The following CAGE1 variants were observed in gnomAD, a reference collection of about 807,000 sequenced individuals.
CAGE1 encodes the protein cancer-associated gene 1 protein.
Under a neutral mutation model 94.9 loss-of-function variants are expected in CAGE1, and 66 were observed. The observed-to-expected ratio is 0.70, with a 90% CI of 0.57 to 0.85. The LOEUF is 0.85. Ranked by LOEUF, CAGE1 falls within the 40% of genes least tolerant of loss-of-function variation. The pLI is 0.00. For missense variants in CAGE1, 865 were observed against 950.4 expected, an observed-to-expected ratio of 0.91 and a Z score of 1.18; for synonymous variants, 319 against 321.0, an observed-to-expected ratio of 0.99 and a Z score of 0.07.
intron 11 of CAGE1, among the ~76,000 whole-genome samples, chr6:7,353,538 A>G (rs908135544): frequency 6.6e-6 from 1 of 152,112 alleles, no homozygotes; most frequent in African/African-American, 2.4e-5. Context: ...AGCAACCCCA[A>G]TACTGGGTAT....
At chr6:7,344,611 C>G (rs1162414274) in intron 11 of CAGE1, among the ~76,000 whole-genome samples, 1 of 147,478 alleles carries the variant, frequency 6.8e-6, no homozygotes, top group African/African-American at 2.7e-5. Flanking sequence ...GGCGTACGGC[C>G]CGAGACTGGA....
rs1245643259 is a variant in CAGE1, at chr6:7,373,429, T to C, written c.1390A>G (p.Lys464Glu). 1 of 1,613,860 alleles carries C rather than the reference T, an allele frequency of 6.2e-7. No homozygotes were observed. The highest frequency in any genetic ancestry group is 1.7e-5 in the Admixed American group (1 of 59,990). ...AAGTCCAAAGCAGAAGCTGTGGCCT[T>C]TTCCAGTTCTTTTTTGAGTTGTTGT... ...RLQQLKKELE[K>E]ATASALDLLK... The change falls in exon 5 of 14, where the codon AAG becomes GAG. Residue 464 changes from lysine (K) to glutamate (E), a missense_variant. Lys to Glu is a moderately conservative substitution (Grantham distance 56). Coordinates refer to ENST00000502583, the MANE Select transcript of CAGE1 (RefSeq NM_001170692.2).
rs574460085 is a variant in CAGE1, at chr6:7,343,198, A to AAAAAAAAAGAAAAGAAAAGAAAAGAAAAG, written c.2370-9109_2370-9108insCTTTTCTTTTCTTTTCTTTTCTTTTTTTT. On this transcript the variant is annotated intron_variant, in intron 11 of 13. Transcript: ENST00000502583. ...TGCGAGACTCTGTCCCACAAAAAAAAAAAAGAAAAGAAAAGAAAAGAAAAA... is the reference window on the plus strand; with the variant it reads ...TGCGAGACTCTGTCCCACAAAAAAAAAAAAAAAAGAAAAGAAAAGAAAAGAAAAGAAAAGAAAAGAAAAGAAAAGAAAAA... Among the ~76,000 whole-genome samples the AAAAAAAAAGAAAAGAAAAGAAAAGAAAAG allele has an allele frequency of 2.3e-3, 309 of 137,302 alleles. 2 individuals carry two copies. The highest frequency in any genetic ancestry group is 3.2e-3 in the Non-Finnish European group (213 of 65,814). The allele number at this position is 137,302 out of a possible 152,430, so 90.1% of individuals were successfully genotyped here. A position where few individuals can be genotyped will look rare whatever the true frequency, so the allele number is the denominator to read the frequency against.
At chr6:7,385,918 GCTT>G (rs1761107240) in intron 2 of CAGE1, 46 bp from the exon 3 acceptor site, 1 of 1,018,894 alleles carries the variant, frequency 9.8e-7, no homozygotes, top group African/African-American at 1.6e-5. Flanking sequence ...AACATCACAA[GCTT>G]CTTCTAAAGG....
At chr6:7,354,473 C>T (rs932594799) in intron 11 of CAGE1, among the ~76,000 whole-genome samples, 5 of 152,092 alleles carry the variant, frequency 3.3e-5, no homozygotes, top group Admixed American at 1.3e-4. Context: ...ATTTTGGGGG[C>T]GCTGTCTCTA....
At position 7,362,448 on chromosome 6, in the gene CAGE1, C is replaced by T. The variant is rs1299079898; in HGVS notation, c.2193+3020G>A. On this transcript the variant is annotated intron_variant, in intron 9 of 13. Coordinates refer to ENST00000502583, the MANE Select transcript of CAGE1 (RefSeq NM_001170692.2). This position sits in a 1 kb window ranked among gnomAD's most constrained non-coding sequence, Gnocchi z 4.1. ...TTCCTGGACCAGGAGACATTTTGCA[C>T]TTGACAGTTAAACACCCAGGATGCT... Among the ~76,000 whole-genome samples the T allele has an allele frequency of 6.6e-6, 1 of 152,136 alleles. No individual in the cohort carries two copies. The highest frequency in any genetic ancestry group is 1.5e-5 in the Non-Finnish European group (1 of 68,026).
intron 9 of CAGE1, among the ~76,000 whole-genome samples, chr6:7,363,225 G>A (rs1445843588): frequency 3.9e-5 from 6 of 152,288 alleles, no homozygotes; most frequent in African/African-American, 1.2e-4. Flanking sequence ...AGCCAAGATC[G>A]TGCCACTGCA....
intron 11 of CAGE1, among the ~76,000 whole-genome samples, chr6:7,348,008 G>C (rs928473336): frequency 6.7e-6 from 1 of 148,400 alleles, no homozygotes; most frequent in Non-Finnish European, 1.5e-5. Flanking sequence ...AAGACAAAGG[G>C]CATATATTCT....
At chr6:7,332,662 C>G (rs148104634) in intron 12 of CAGE1, among the ~76,000 whole-genome samples, 16 of 152,292 alleles carry the variant, frequency 1.1e-4, no homozygotes, top group African/African-American at 3.6e-4. Context: ...CTGGAAACTC[C>G]TCATAAGGCT....
intron 1 of CAGE1, among the ~76,000 whole-genome samples, chr6:7,388,515 G>A (rs1412363363): frequency 6.6e-6 from 1 of 152,166 alleles, no homozygotes; most frequent in East Asian, 1.9e-4. Context: ...CTTGAGAGGA[G>A]CATACTTAGG....
intron 9 of CAGE1, among the ~76,000 whole-genome samples, chr6:7,358,271 A>G (rs975913819): frequency 1.1e-4 from 16 of 151,538 alleles, no homozygotes; most frequent in African/African-American, 3.6e-4. Flanking sequence ...AATGTTATAT[A>G]ATGGAACCAA....
rs1760297288 is a variant in CAGE1, at chr6:7,365,459, C to A, written c.2193+9G>T. On this transcript the variant is annotated intron_variant, in intron 9 of 13. Coordinates refer to ENST00000502583, the MANE Select transcript of CAGE1 (RefSeq NM_001170692.2). ...AAATAATAGCAAGGTAAAAAAAGGT[C>A]TTTCTTACCAAGAAATCAAGCTCCT... 1.9e-6 allele frequency: 3 copies of A among 1,607,436 alleles called. No homozygotes were observed. The highest frequency in any genetic ancestry group is 1.7e-5 in the Admixed American group (1 of 59,142).
chr6:7,345,611 T>TA (rs1759460942), intron 11 of CAGE1, among the ~76,000 whole-genome samples: 1 of 152,180 alleles, frequency 6.6e-6, no homozygotes, highest in Admixed American at 6.5e-5. Flanking sequence ...AACAGCTGTT[T>TA]CTAACGTCTA....
intron 3 of CAGE1, among the ~76,000 whole-genome samples, chr6:7,384,117 G>A (rs369228338): frequency 7.2e-5 from 11 of 151,900 alleles, no homozygotes; most frequent in Non-Finnish European, 1.6e-4. Flanking sequence ...ACTTATTGTC[G>A]CCCAGGCTGG....
intron 11 of CAGE1, among the ~76,000 whole-genome samples, chr6:7,345,914 G>C (rs545919363): frequency 6.6e-6 from 1 of 152,044 alleles, no homozygotes; most frequent in African/African-American, 2.4e-5. Context: ...GACAGAACGA[G>C]AGTCCATCTC....
intron 11 of CAGE1, chr6:7,341,477 A>C (rs749700237): frequency 2.9e-4 from 336 of 1,141,220 alleles, no homozygotes; most frequent in Non-Finnish European, 4.1e-4. Context: ...GGCAAATTCC[A>C]GGTATTCCAT....
chr6:7,340,803 A>C, intron 11 of CAGE1: 1 of 391,840 alleles, frequency 2.6e-6, no homozygotes, highest in Non-Finnish European at 4.9e-6. Context: ...CAGACAGTCT[A>C]CTCCCTCAAT....
intron 11 of CAGE1, among the ~76,000 whole-genome samples, chr6:7,349,317 A>G (rs972095024): frequency 3.9e-5 from 6 of 152,216 alleles, no homozygotes; most frequent in South Asian, 2.1e-4. Context: ...ACTAAGCATT[A>G]TATATGAAGG....
At chr6:7,350,620 T>G (rs1161727277) in intron 11 of CAGE1, among the ~76,000 whole-genome samples, 1 of 152,076 alleles carries the variant, frequency 6.6e-6, no homozygotes, top group Non-Finnish European at 1.5e-5. Context: ...TTCAAAACCA[T>G]GCAAATACAT....
Sources: gnomAD v4.1 joint callset for allele counts (sites outside exome capture counted in the v4.1 genomes callset) on GRCh38, gnomAD v4.1.1 for gene constraint, Gnocchi (gnomAD v3.1) non-coding constraint, MANE v1.5 for transcripts, NCBI Gene and HGNC (gene_info 2026-07-23, HGNC 2026-07-21) for gene names.